The following MGAT4A variants were observed in gnomAD, a reference collection of about 807,000 sequenced individuals.
MGAT4A encodes N-acetylglucosaminyltransferase IVa.
In MGAT4A, 33 loss-of-function variants were observed where a neutral mutation model predicts 74.1. The ratio of observed to expected loss-of-function variants is 0.45; its 90% CI spans 0.34 to 0.60. The LOEUF (loss-of-function observed/expected upper bound fraction) is 0.60. Among genes scored for constraint, MGAT4A ranks in the 20% least tolerant of loss-of-function variants. The pLI, the probability that MGAT4A is intolerant of heterozygous loss-of-function variation, is 0.02. For synonymous variants in MGAT4A, 198 were observed against 210.4 expected, an observed-to-expected ratio of 0.94 and a Z score of 0.51; for missense variants, 479 against 628.3, an observed-to-expected ratio of 0.76 and a Z score of 2.54.
chr2:98,663,361 T>G, intron 4 of MGAT4A, 182 bp from the exon 5 acceptor site: 3 of 1,529,570 alleles, frequency 2.0e-6, no homozygotes, highest in Non-Finnish European at 2.6e-6. Flanking sequence ...GTAATTCATT[T>G]TCACATGGCT....
At chr2:98,728,393 C>G in intron 1 of MGAT4A, among the ~76,000 whole-genome samples, 1 of 152,194 alleles carries the variant, frequency 6.6e-6, no homozygotes, top group East Asian at 1.9e-4. Flanking sequence ...TGAACTTATT[C>G]ACCTTCTACA....
chr2:98,700,785 G>A (rs1702344831), intron 2 of MGAT4A, among the ~76,000 whole-genome samples: 1 of 151,812 alleles, frequency 6.6e-6, no homozygotes, highest in Non-Finnish European at 1.5e-5. Context: ...CAGCTACTCA[G>A]GAGGCTGAGG....
At chr2:98,652,569 G>T (rs1236873100) in intron 8 of MGAT4A, among the ~76,000 whole-genome samples, 1 of 152,088 alleles carries the variant, frequency 6.6e-6, no homozygotes, top group Non-Finnish European at 1.5e-5. Context: ...CTGACCTTGT[G>T]ATCTGCCCAC....
chr2:98,645,207 A>G (rs1437418878), intron 9 of MGAT4A, among the ~76,000 whole-genome samples: 1 of 152,262 alleles, frequency 6.6e-6, no homozygotes, highest in Non-Finnish European at 1.5e-5. Context: ...GGCATTGTGA[A>G]GAACGCTACA....
chr2:98,647,383 C>T (rs1037867559), intron 8 of MGAT4A, among the ~76,000 whole-genome samples: 4 of 152,152 alleles, frequency 2.6e-5, no homozygotes, highest in Non-Finnish European at 5.9e-5. Context: ...GGTACAATCT[C>T]GGCTCACTGT....
At chr2:98,691,898 T>C (rs1702200042) in intron 2 of MGAT4A, among the ~76,000 whole-genome samples, 1 of 152,194 alleles carries the variant, frequency 6.6e-6, no homozygotes, top group Non-Finnish European at 1.5e-5. Context: ...CTAATGTGTA[T>C]GTCTCTTCCT....
At chr2:98,668,978 G>C (rs1331531269) in intron 4 of MGAT4A, among the ~76,000 whole-genome samples, 3 of 152,214 alleles carry the variant, frequency 2.0e-5, no homozygotes, top group African/African-American at 7.2e-5. Context: ...ATTGTACCTA[G>C]GAAGTAACCA....
At chr2:98,711,528 G>A (rs1702518881) in intron 2 of MGAT4A, among the ~76,000 whole-genome samples, 1 of 151,914 alleles carries the variant, frequency 6.6e-6, no homozygotes, top group Admixed American at 6.6e-5. Context: ...CCATAGTATT[G>A]CTAATTAATA....
intron 4 of MGAT4A, among the ~76,000 whole-genome samples, chr2:98,674,372 T>C (rs1483868377): frequency 6.6e-6 from 1 of 152,230 alleles, no homozygotes; most frequent in Non-Finnish European, 1.5e-5. Context: ...ATCAAATGTA[T>C]GAGTGGTAAA....
chr2:98,665,007 T>C (rs1701803182), intron 4 of MGAT4A, among the ~76,000 whole-genome samples: 1 of 152,130 alleles, frequency 6.6e-6, no homozygotes, highest in South Asian at 2.1e-4. Context: ...TTTTTGGAGA[T>C]ACTAAAAAAT....
chr2:98,719,795 C>T (rs1420032282), intron 2 of MGAT4A, among the ~76,000 whole-genome samples: 1 of 151,976 alleles, frequency 6.6e-6, no homozygotes, highest in Non-Finnish European at 1.5e-5. Context: ...TTACAGGTGC[C>T]CACCACCACG....
At chr2:98,673,064 C>T (rs1049711926) in intron 4 of MGAT4A, among the ~76,000 whole-genome samples, 2 of 152,026 alleles carry the variant, frequency 1.3e-5, no homozygotes, top group Non-Finnish European at 2.9e-5. Context: ...TTTGCCGCAG[C>T]CTGCCTTGGA....
At chr2:98,655,349 G>T in intron 8 of MGAT4A, 96 bp downstream of exon 8, 1 of 854,102 alleles carries the variant, frequency 1.2e-6, no homozygotes, top group Non-Finnish European at 1.8e-6. Context: ...ATCTCAGAGG[G>T]TTTGCACTTT....
At chr2:98,639,272 C>T (rs1004557252) in intron 12 of MGAT4A, among the ~76,000 whole-genome samples, 10 of 150,190 alleles carry the variant, frequency 6.7e-5, no homozygotes, top group Admixed American at 3.3e-4. Context: ...GGCGACAGAG[C>T]GAGACTGTCT....
intron 2 of MGAT4A, among the ~76,000 whole-genome samples, chr2:98,679,145 G>A (rs1039036192): frequency 1.3e-5 from 2 of 152,072 alleles, no homozygotes; most frequent in South Asian, 2.1e-4. Context: ...GGTGGCTCAC[G>A]CCTGTAATCC....
intron 2 of MGAT4A, among the ~76,000 whole-genome samples, chr2:98,700,024 T>C (rs1702329777): frequency 6.6e-6 from 1 of 152,148 alleles, no homozygotes; most frequent in Non-Finnish European, 1.5e-5. Context: ...GGTTAGTGAG[T>C]ATGCTTCTGC....
intron 7 of MGAT4A, 80 bp from the exon 8 acceptor site, chr2:98,655,600 A>G (rs1701646165): frequency 2.3e-6 from 2 of 867,014 alleles, no homozygotes; most frequent in Non-Finnish European, 3.7e-6. Flanking sequence ...TAAATGTCAA[A>G]TGTCTACATA....
At position 98,621,195 on chromosome 2, in the gene MGAT4A, G is replaced by A. The variant is rs1438137469; in HGVS notation, c.*4371C>T. The A allele has an allele frequency of 8.3e-6, 4 of 481,016 alleles. No homozygotes were observed. The highest frequency in any genetic ancestry group is 1.4e-5 in the Non-Finnish European group (4 of 282,798). The allele number at this position is 481,016 out of a possible 1,614,324, so 29.8% of individuals were successfully genotyped here. On this transcript the variant is annotated 3_prime_UTR_variant, in exon 16 of 16. Transcript: ENST00000393487. ...GTTCTGTAGGTCAGAAGTCCAAGCAGGCTTAAGTGAGTTCTCGGCTTAGGG... is the reference window on the plus strand; with the variant it reads ...GTTCTGTAGGTCAGAAGTCCAAGCAAGCTTAAGTGAGTTCTCGGCTTAGGG...
chr2:98,638,724 TA>T (rs1337584057), intron 12 of MGAT4A, among the ~76,000 whole-genome samples: 1 of 152,274 alleles, frequency 6.6e-6, no homozygotes, highest in Non-Finnish European at 1.5e-5. Context: ...AAAACACTTT[TA>T]AAACTTGAAT....
Sources: gnomAD v4.1 joint callset for allele counts (sites outside exome capture counted in the v4.1 genomes callset) on GRCh38, gnomAD v4.1.1 for gene constraint, MANE v1.5 for transcripts, NCBI Gene and HGNC (gene_info 2026-07-23, HGNC 2026-07-21) for gene names.